Variants in DGKI observed in about 807,000 individuals in gnomAD.
DGKI encodes DAG kinase iota.
DGKI carries 55 observed loss-of-function variants against 147.5 expected under a neutral mutation model. That is an observed-to-expected ratio of 0.37 (90% CI 0.30 to 0.47). DGKI has a LOEUF of 0.47. Among genes scored for constraint, DGKI ranks in the 20% least tolerant of loss-of-function variants. The pLI is 1.00. For missense variants in DGKI, 1,007 were observed against 1,323.8 expected (o/e 0.76, Z 3.71); for synonymous variants, 469 against 477.1 (o/e 0.98, Z 0.22).
intron 2 of DGKI, among the ~76,000 whole-genome samples, chr7:137,679,308 T>A (rs565383443): frequency 1.3e-5 from 2 of 152,166 alleles, no homozygotes; most frequent in South Asian, 4.2e-4. Context: ...ATACTTTGGA[T>A]GGGGAACAGA....
intron 30 of DGKI, among the ~76,000 whole-genome samples, chr7:137,398,260 G>A (rs1239905145): frequency 6.6e-6 from 1 of 152,108 alleles, no homozygotes; most frequent in Non-Finnish European, 1.5e-5. Flanking sequence ...CAGGCAAGGG[G>A]GGATATATGA....
intron 31 of DGKI, 69 bp downstream of exon 31, chr7:137,397,308 A>G: frequency 2.1e-6 from 3 of 1,450,100 alleles, no homozygotes; most frequent in Non-Finnish European, 2.9e-6. Context: ...TGCTCTATAG[A>G]TTACATTCTT....
At chr7:137,616,005 C>T (rs1033342654) in intron 8 of DGKI, among the ~76,000 whole-genome samples, 2 of 152,100 alleles carry the variant, frequency 1.3e-5, no homozygotes, top group East Asian at 3.9e-4. Flanking sequence ...GACTATGGTT[C>T]ATTGGTTAAC....
intron 1 of DGKI, among the ~76,000 whole-genome samples, chr7:137,723,088 G>C (rs1794615895): frequency 6.6e-6 from 1 of 152,132 alleles, no homozygotes; most frequent in South Asian, 2.1e-4. Flanking sequence ...AGTTCATAAA[G>C]CAGTAGATGG....
intron 28 of DGKI, among the ~76,000 whole-genome samples, chr7:137,427,834 T>G (rs542876885): frequency 2.0e-5 from 3 of 152,134 alleles, no homozygotes; most frequent in African/African-American, 7.2e-5. Flanking sequence ...ACATACACCC[T>G]CCCAAGACTA....
At chr7:137,511,881 C>A (rs1816591921) in intron 21 of DGKI, among the ~76,000 whole-genome samples, 1 of 152,230 alleles carries the variant, frequency 6.6e-6, no homozygotes, top group South Asian at 2.1e-4. Flanking sequence ...AGAGCCTGAT[C>A]TGTGTCCAAT....
At chr7:137,829,708 C>T (rs1262751565) in intron 1 of DGKI, among the ~76,000 whole-genome samples, 1 of 152,146 alleles carries the variant, frequency 6.6e-6, no homozygotes, top group Non-Finnish European at 1.5e-5. Context: ...AAATGCTGTC[C>T]TCTGGATAAG....
At chr7:137,770,308 G>T (rs532723510) in intron 1 of DGKI, among the ~76,000 whole-genome samples, 1 of 151,868 alleles carries the variant, frequency 6.6e-6, no homozygotes, top group East Asian at 1.9e-4. Flanking sequence ...ACACATCAGG[G>T]CCTGTCTGGG....
At chr7:137,487,543 T>C (rs1815608064) in intron 22 of DGKI, 67 bp downstream of exon 22, 2 of 1,357,638 alleles carry the variant, frequency 1.5e-6, no homozygotes, top group Non-Finnish European at 2.1e-6. Context: ...AGCAAATATA[T>C]ATGGCTGGTA....
chr7:137,500,352 G>A (rs992640437), intron 21 of DGKI, among the ~76,000 whole-genome samples: 5 of 152,170 alleles, frequency 3.3e-5, no homozygotes, highest in Non-Finnish European at 5.9e-5. Context: ...TGGATTTTAC[G>A]TTTGAAGTAA....
At chr7:137,512,229 A>G (rs1003491433) in intron 21 of DGKI, among the ~76,000 whole-genome samples, 4 of 152,212 alleles carry the variant, frequency 2.6e-5, no homozygotes, top group Non-Finnish European at 5.9e-5. Context: ...AAATCCCACC[A>G]CAGCAATGTA....
At chr7:137,508,145 T>TGA (rs1407254362) in intron 21 of DGKI, among the ~76,000 whole-genome samples, 1 of 151,278 alleles carries the variant, frequency 6.6e-6, no homozygotes, top group Non-Finnish European at 1.5e-5. Flanking sequence ...CAACAGAAGG[T>TGA]GAAGGTTCCA....
chr7:137,749,732 T>G (rs1459844791), intron 1 of DGKI, among the ~76,000 whole-genome samples: 3 of 152,184 alleles, frequency 2.0e-5, no homozygotes, highest in African/African-American at 7.2e-5. Context: ...TAATCAAAAT[T>G]CAATTCTGAT....
At chr7:137,769,118 G>A (rs1398172414) in intron 1 of DGKI, among the ~76,000 whole-genome samples, 6 of 152,164 alleles carry the variant, frequency 3.9e-5, no homozygotes, top group Admixed American at 6.5e-5. Flanking sequence ...TTCTGATTAC[G>A]GAGCCCTACT....
At chr7:137,551,601 A>G (rs1214561341) in intron 20 of DGKI, among the ~76,000 whole-genome samples, 2 of 152,156 alleles carry the variant, frequency 1.3e-5, no homozygotes, top group African/African-American at 4.8e-5. Context: ...AATTATGTTC[A>G]TTTTCCGTCC....
intron 28 of DGKI, among the ~76,000 whole-genome samples, chr7:137,424,957 G>A (rs1812731529): frequency 6.6e-6 from 1 of 152,368 alleles, no homozygotes; most frequent in Admixed American, 6.5e-5. Flanking sequence ...ACCTCTGGGT[G>A]CAGGGCACAG....
intron 8 of DGKI, among the ~76,000 whole-genome samples, chr7:137,613,772 T>G (rs1820441864): frequency 6.6e-6 from 1 of 152,164 alleles, no homozygotes; most frequent in South Asian, 2.1e-4. Flanking sequence ...ATTTAAAAAA[T>G]GAGTTAAGTC....
At chr7:137,801,007 T>C (rs1322923681) in intron 1 of DGKI, among the ~76,000 whole-genome samples, 1 of 152,238 alleles carries the variant, frequency 6.6e-6, no homozygotes, top group African/African-American at 2.4e-5. Flanking sequence ...AAAATGAATG[T>C]TGTTCAACAG....
chr7:137,821,071 G>A (rs1021362900), intron 1 of DGKI, among the ~76,000 whole-genome samples: 68 of 152,138 alleles, frequency 4.5e-4, no homozygotes, highest in African/African-American at 1.6e-3. Context: ...TGAGCACCTC[G>A]TTGGTGCTAA....
Sources: allele counts gnomAD v4.1 joint callset (sites outside exome capture counted in the v4.1 genomes callset), GRCh38; gene constraint gnomAD v4.1.1; transcripts MANE v1.5; gene names NCBI Gene and HGNC (gene_info 2026-07-23, HGNC 2026-07-21).